Variants in ROBO2 observed in about 807,000 individuals in gnomAD.
ROBO2 encodes the protein roundabout homolog 2.
Under a neutral mutation model 160.8 loss-of-function variants are expected in ROBO2, and 53 were observed. The ratio of observed to expected loss-of-function variants is 0.33; its 90% CI spans 0.26 to 0.41. The LOEUF (loss-of-function observed/expected upper bound fraction) is 0.41. ROBO2 is among the 10% of genes least tolerant of loss of function. ROBO2 has a pLI of 1.00. For missense variants in ROBO2, 1,577 were observed against 1,722.4 expected, an observed-to-expected ratio of 0.92 and a Z score of 1.49; for synonymous variants, 664 against 611.7, an observed-to-expected ratio of 1.09 and a Z score of -1.26.
chr3:77,064,268 C>G (rs79822817), intron 1 of ROBO2, among the ~76,000 whole-genome samples: 3,385 of 150,832 alleles, frequency 0.022, 46 homozygotes, highest in Middle Eastern at 0.035. Flanking sequence ...AGACAAAATT[C>G]AAGCAAAGGA....
At chr3:76,011,966 T>C (rs1339154044) in intron 2 of ROBO2, among the ~76,000 whole-genome samples, 1 of 152,218 alleles carries the variant, frequency 6.6e-6, no homozygotes, top group East Asian at 1.9e-4. Context: ...AGTTCTCTTC[T>C]GAGGAAACAG....
intron 2 of ROBO2, among the ~76,000 whole-genome samples, chr3:76,254,334 G>T (rs970453764): frequency 6.6e-6 from 1 of 152,094 alleles, no homozygotes; most frequent in Non-Finnish European, 1.5e-5. Context: ...ACTAAATAAT[G>T]TCTTAAGTGA....
intron 2 of ROBO2, among the ~76,000 whole-genome samples, chr3:76,959,646 C>T (rs1452460675): frequency 6.6e-6 from 1 of 152,158 alleles, no homozygotes; most frequent in Non-Finnish European, 1.5e-5. Flanking sequence ...GAGTGCATCC[C>T]AGCCAGTCAC....
chr3:76,197,870 A>G (rs1190742048), intron 2 of ROBO2, among the ~76,000 whole-genome samples: 1 of 152,200 alleles, frequency 6.6e-6, no homozygotes. Context: ...GCAAAGGGTG[A>G]GAAAATATCT....
At chr3:75,967,414 C>T (rs1395503431) in intron 2 of ROBO2, among the ~76,000 whole-genome samples, 1 of 151,558 alleles carries the variant, frequency 6.6e-6, no homozygotes, top group Admixed American at 6.6e-5. Flanking sequence ...TAACTGGAGA[C>T]AACTGACTCA....
At chr3:76,710,753 C>T (rs889723781) in intron 2 of ROBO2, among the ~76,000 whole-genome samples, 5 of 152,084 alleles carry the variant, frequency 3.3e-5, no homozygotes, top group African/African-American at 7.2e-5. Flanking sequence ...GCAACTTGAT[C>T]GTATTTACAG....
chr3:76,080,208 C>G (rs925586773), intron 2 of ROBO2, among the ~76,000 whole-genome samples: 1 of 152,160 alleles, frequency 6.6e-6, no homozygotes, highest in Admixed American at 6.5e-5. Context: ...AACACCCCTG[C>G]CTGACTATCT....
intron 2 of ROBO2, among the ~76,000 whole-genome samples, chr3:77,404,794 T>C (rs1279840569): frequency 6.6e-6 from 1 of 152,274 alleles, no homozygotes; most frequent in African/African-American, 2.4e-5. Context: ...AAGAATAAAA[T>C]GAAAGTAATT....
chr3:76,505,931 C>T (rs1359963801), intron 2 of ROBO2, among the ~76,000 whole-genome samples: 2 of 152,148 alleles, frequency 1.3e-5, no homozygotes, highest in Non-Finnish European at 2.9e-5. Context: ...TACACTTACA[C>T]ATTTGTAGGT....
chr3:76,455,250 A>G (rs986435000), intron 2 of ROBO2, among the ~76,000 whole-genome samples: 3 of 152,128 alleles, frequency 2.0e-5, no homozygotes, highest in Admixed American at 6.6e-5. Context: ...TTAGTTTGGC[A>G]CTGAGCTAGG....
chr3:76,912,846 G>A (rs977170035), intron 2 of ROBO2, among the ~76,000 whole-genome samples: 1 of 151,996 alleles, frequency 6.6e-6, no homozygotes, highest in African/African-American at 2.4e-5. Context: ...AACTATTAAT[G>A]ACGAATTACT....
intron 13 of ROBO2, among the ~76,000 whole-genome samples, chr3:77,572,063 C>A (rs148410524): frequency 6.6e-6 from 1 of 151,982 alleles, no homozygotes; most frequent in Middle Eastern, 3.2e-3. Context: ...CCCTAAAACA[C>A]TTAATTAATG....
chr3:77,481,953 T>C (rs909568377), intron 4 of ROBO2, among the ~76,000 whole-genome samples: 1 of 151,534 alleles, frequency 6.6e-6, no homozygotes, highest in African/African-American at 2.4e-5. Flanking sequence ...AGAGAGAAAA[T>C]GACAAAAAAT....
At chr3:77,238,160 T>G (rs930599119) in intron 2 of ROBO2, among the ~76,000 whole-genome samples, 2 of 152,210 alleles carry the variant, frequency 1.3e-5, no homozygotes, top group Non-Finnish European at 2.9e-5. Flanking sequence ...CTTTTACAAA[T>G]ATTTTCTCTC....
intron 2 of ROBO2, among the ~76,000 whole-genome samples, chr3:76,484,796 A>T (rs1471392774): frequency 3.3e-5 from 5 of 152,140 alleles, no homozygotes; most frequent in African/African-American, 1.2e-4. Context: ...AAAACATTTT[A>T]TCTAATTTAG....
chr3:76,492,722 T>A (rs2079903893), intron 2 of ROBO2, among the ~76,000 whole-genome samples: 1 of 152,104 alleles, frequency 6.6e-6, no homozygotes, highest in Non-Finnish European at 1.5e-5. Flanking sequence ...GCTTTTTTTT[T>A]AGAGTAAATG....
intron 5 of ROBO2, among the ~76,000 whole-genome samples, chr3:77,517,694 T>C (rs1029086546): frequency 1.3e-5 from 2 of 151,464 alleles, no homozygotes; most frequent in African/African-American, 4.8e-5. Context: ...TAAATGAAAA[T>C]GTCCAGAAAT....
intron 2 of ROBO2, among the ~76,000 whole-genome samples, chr3:76,243,910 A>G (rs1359333199): frequency 6.6e-6 from 1 of 152,110 alleles, no homozygotes; most frequent in Non-Finnish European, 1.5e-5. Context: ...CAAAGTAGAG[A>G]ACAATGTAAG....
chr3:76,719,573 A>G (rs1183376556), intron 2 of ROBO2, among the ~76,000 whole-genome samples: 5 of 152,222 alleles, frequency 3.3e-5, no homozygotes, highest in African/African-American at 1.2e-4. Context: ...TTTTGTTGTT[A>G]ACAATTTTTT....
Sources: gnomAD v4.1 joint callset for allele counts (sites outside exome capture counted in the v4.1 genomes callset) on GRCh38, gnomAD v4.1.1 for gene constraint, MANE v1.5 for transcripts, NCBI Gene and HGNC (gene_info 2026-07-23, HGNC 2026-07-21) for gene names.